The following SLC18A2 variants were observed in gnomAD, a reference collection of about 807,000 sequenced individuals.
The protein encoded by SLC18A2 is synaptic vesicular amine transporter.
In SLC18A2, 33 loss-of-function variants were observed where a neutral mutation model predicts 59.2. The observed-to-expected ratio is 0.56, with a 90% CI of 0.42 to 0.75. The LOEUF (loss-of-function observed/expected upper bound fraction) is 0.75, where lower values mean the gene tolerates loss of function less well. SLC18A2 is among the 30% of genes least tolerant of loss of function. SLC18A2 has a pLI of 0.00. For synonymous variants in SLC18A2, 228 were observed against 253.5 expected (o/e 0.90, Z 0.95); for missense variants, 569 against 668.6 (o/e 0.85, Z 1.64).
chr10:117,267,836 A>C (rs972751732), intron 13 of SLC18A2, 100 bp downstream of exon 13: 2 of 884,046 alleles, frequency 2.3e-6, no homozygotes, highest in Non-Finnish European at 3.5e-6. Context: ...CTAAATTTCC[A>C]GAATCTTAGA....
At chr10:117,254,258 C>T in intron 5 of SLC18A2, 127 bp downstream of exon 5, 2 of 1,155,942 alleles carry the variant, frequency 1.7e-6, no homozygotes, top group Non-Finnish European at 2.5e-6. Flanking sequence ...ACCCACTTTC[C>T]TCTTGGGTTC....
At chr10:117,264,342 G>A (rs1358404309) in intron 10 of SLC18A2, among the ~76,000 whole-genome samples, 1 of 152,238 alleles carries the variant, frequency 6.6e-6, no homozygotes, top group Non-Finnish European at 1.5e-5. Context: ...CTGGGTGCGT[G>A]GCTCATGCCT....
intron 15 of SLC18A2, among the ~76,000 whole-genome samples, chr10:117,274,589 A>G (rs1024788658): frequency 2.0e-5 from 3 of 152,062 alleles, no homozygotes; most frequent in Non-Finnish European, 4.4e-5. Context: ...GGGTGTCCCA[A>G]CTGGTATCTC....
chr10:117,264,477 C>T (rs1479041353), intron 10 of SLC18A2, among the ~76,000 whole-genome samples: 1 of 152,162 alleles, frequency 6.6e-6, no homozygotes, highest in African/African-American at 2.4e-5. Flanking sequence ...GACATTCTGC[C>T]TCTATTGAGA....
At chr10:117,254,209 T>C (rs1010654849) in intron 5 of SLC18A2, 78 bp downstream of exon 5, 17 of 1,428,604 alleles carry the variant, frequency 1.2e-5, no homozygotes, top group Non-Finnish European at 1.7e-5. Context: ...AATTCAGGTA[T>C]TGGTGGTGGT....
chr10:117,277,457 G>T lies in SLC18A2; in HGVS notation c.*191G>T. On this transcript the variant is annotated 3_prime_UTR_variant, in exon 16 of 16. Transcript: ENST00000644641. The stretch of plus-strand genomic sequence containing the variant: ...TATAAAGAAAAAGAAGCTTTTCTAG[G>T]GGTTTGTATAAATAGTGTTGAAACT... 2.6e-6 allele frequency: 1 copy of T among 385,880 alleles called. No homozygotes were observed. Among genetic ancestry groups the T allele is most frequent in the South Asian group, 7.0e-5 (1 of 14,318 alleles). 23.9% of individuals were successfully genotyped at this position (385,880 alleles called of 1,614,324 possible).
Position 117,277,317 on chromosome 10 carries a change from T to C in SLC18A2, c.*51T>C. 8.7e-7 allele frequency: 1 copy of C among 1,150,854 alleles called. No individual in the cohort carries two copies. Among genetic ancestry groups the C allele is most frequent in the Non-Finnish European group, 1.3e-6 (1 of 778,312 alleles). The allele number at this position is 1,150,854 out of a possible 1,614,324, so 71.3% of individuals were successfully genotyped here. ...GTGTTTAATTGTATAAAACAGTGTT[T>C]CCAGTGACACAACTCATCCAGAACT... is the stretch of plus-strand genomic sequence containing the variant. On this transcript the variant is annotated 3_prime_UTR_variant, in exon 16 of 16. Coordinates refer to ENST00000644641, the MANE Select transcript of SLC18A2 (RefSeq NM_003054.6).
Position 117,254,421 on chromosome 10 carries a change from C to T in SLC18A2, c.624C>T (p.Ala208=). 1 of 1,596,634 alleles carries T rather than the reference C, an allele frequency of 6.3e-7. No individual in the cohort carries two copies. Among genetic ancestry groups the T allele is most frequent in the Non-Finnish European group, 8.5e-7 (1 of 1,170,846 alleles). The part of the protein sequence containing the change: ...CSSVAGMGML[A]SVYTDDEERG... ...CCTGTGTAGGGATGGGCATGCTTGC[C>T]AGTGTCTACACAGATGATGAAGAGA... Residue 208 remains alanine, a synonymous_variant, in exon 6 of 16, where the codon GCC becomes GCT. Transcript: ENST00000644641.
chr10:117,278,965 G>A lies in SLC18A2; in HGVS notation c.*1699G>A, dbSNP rs1844539650. ...CTTAAAAAAGAACGTGCTACAAATT[G>A]GTTCTCTTTGAGGGTTTCTGGTTCT... is the stretch of plus-strand genomic sequence containing the variant. On this transcript the variant is annotated 3_prime_UTR_variant, in exon 16 of 16. Coordinates refer to ENST00000644641, the MANE Select transcript of SLC18A2 (RefSeq NM_003054.6). 6.6e-6 allele frequency: 1 copy of A among 152,072 alleles called. No individual in the cohort carries two copies. The highest frequency in any genetic ancestry group is 1.5e-5 in the Non-Finnish European group (1 of 68,018). 9.4% of individuals were successfully genotyped at this position (152,072 alleles called of 1,614,324 possible).
Position 117,277,155 on chromosome 10 carries a change from C to G in SLC18A2, c.1441-7C>G. 6.5e-7 allele frequency: 1 copy of G among 1,527,482 alleles called. No individual in the cohort carries two copies. The highest frequency in any genetic ancestry group is 9.0e-7 in the Non-Finnish European group (1 of 1,105,148). 94.6% of individuals were successfully genotyped at this position (1,527,482 alleles called of 1,614,324 possible). A position where few individuals can be genotyped will look rare whatever the true frequency, so the allele number is the denominator to read the frequency against. Reference sequence around the variant, plus strand: ...AGTTAATATACTTGCACTTTGCTCTCTTTTAGGCTATTCTCATGGATCACA... The same window carrying G: ...AGTTAATATACTTGCACTTTGCTCTGTTTTAGGCTATTCTCATGGATCACA... On this transcript the variant is annotated splice_polypyrimidine_tract_variant and splice_region_variant and intron_variant, in intron 15 of 15. Transcript: ENST00000644641.
intron 3 of SLC18A2, among the ~76,000 whole-genome samples, chr10:117,245,391 G>A (rs536371600): frequency 4.9e-4 from 74 of 152,284 alleles, no homozygotes; most frequent in Non-Finnish European, 9.0e-4. Context: ...GGCTGTAAGA[G>A]GCCCCAAGTG....
intron 15 of SLC18A2, 145 bp from the exon 16 acceptor site, chr10:117,277,017 C>T (rs1047051281): frequency 4.9e-5 from 25 of 515,182 alleles, no homozygotes; most frequent in African/African-American, 4.0e-5. Context: ...TTAGGTCAGG[C>T]GTCTGGCGAT....
chr10:117,254,961 T>C (rs1244860700), intron 6 of SLC18A2, among the ~76,000 whole-genome samples: 1 of 152,198 alleles, frequency 6.6e-6, no homozygotes, highest in African/African-American at 2.4e-5. Context: ...CCTGCGCTGG[T>C]GTACAAGGAG....
At chr10:117,250,683 G>A (rs949071565) in intron 3 of SLC18A2, among the ~76,000 whole-genome samples, 1 of 152,164 alleles carries the variant, frequency 6.6e-6, no homozygotes, top group Non-Finnish European at 1.5e-5. Flanking sequence ...CCGTAGCCTT[G>A]AATTTGGGGC....
chr10:117,266,829 C>T lies in SLC18A2; in HGVS notation c.1070+18C>T. The T allele has an allele frequency of 6.2e-7, 1 of 1,601,192 alleles. No individual in the cohort carries two copies. The highest frequency in any genetic ancestry group is 8.6e-7 in the Non-Finnish European group (1 of 1,169,008). On this transcript the variant is annotated intron_variant, in intron 11 of 15. Coordinates refer to ENST00000644641, the MANE Select transcript of SLC18A2 (RefSeq NM_003054.6). ...ATGGGGAGGTAAGATGATATGAAAACAACACTCATTCTGTTACAATAATGT... is the reference window on the plus strand; with the variant it reads ...ATGGGGAGGTAAGATGATATGAAAATAACACTCATTCTGTTACAATAATGT...
At position 117,241,184 on chromosome 10, in the gene SLC18A2, AC is replaced by A. The variant is rs1844044280; in HGVS notation, c.-51del. On this transcript the variant is annotated 5_prime_UTR_variant, in exon 1 of 16. Transcript: ENST00000644641. ...CTGCGGTGCGGGCGTTGGCGCGGGC[AC>A]GGAGGACCCGGGCAGGCATCGCAAG... The A allele has an allele frequency of 6.6e-6, 1 of 152,300 alleles. No homozygotes were observed. The highest frequency in any genetic ancestry group is 1.5e-5 in the Non-Finnish European group (1 of 68,342). The allele number at this position is 152,300 out of a possible 1,614,324, so 9.4% of individuals were successfully genotyped here. A position where few individuals can be genotyped will look rare whatever the true frequency, so the allele number is the denominator to read the frequency against.
chr10:117,242,097 T>C (rs1844062887), intron 2 of SLC18A2, among the ~76,000 whole-genome samples: 1 of 152,230 alleles, frequency 6.6e-6, no homozygotes, highest in Non-Finnish European at 1.5e-5. Context: ...CTTGCCTGCT[T>C]TCACTGCGAT....
chr10:117,257,148 C>T (rs1393780971), intron 9 of SLC18A2, among the ~76,000 whole-genome samples: 1 of 152,186 alleles, frequency 6.6e-6, no homozygotes, highest in Admixed American at 6.5e-5. Context: ...ATTAGAGGTT[C>T]CAAGAGGCAC....
At chr10:117,263,923 T>C (rs1844321254) in intron 10 of SLC18A2, among the ~76,000 whole-genome samples, 1 of 152,198 alleles carries the variant, frequency 6.6e-6, no homozygotes, top group South Asian at 2.1e-4. Flanking sequence ...TGCGAGGACT[T>C]AGGATCCTCC....
Sources: gnomAD v4.1 joint callset for allele counts (sites outside exome capture counted in the v4.1 genomes callset) on GRCh38, gnomAD v4.1.1 for gene constraint, MANE v1.5 for transcripts, NCBI Gene and HGNC (gene_info 2026-07-23, HGNC 2026-07-21) for gene names.